The following PRKG1 variants were observed in gnomAD, a reference collection of about 807,000 sequenced individuals.
PRKG1 encodes the protein cGMP-dependent protein kinase 1.
A neutral mutation model predicts 88.1 loss-of-function variants in PRKG1; 35 were observed. The observed-to-expected ratio is 0.40, with a 90% CI of 0.30 to 0.53. The LOEUF (loss-of-function observed/expected upper bound fraction) is 0.53. PRKG1 is among the 20% of genes least tolerant of loss of function. PRKG1 has a pLI of 0.59. For synonymous variants in PRKG1, 303 were observed against 292.5 expected (o/e 1.04, Z -0.37); for missense variants, 540 against 839.8 (o/e 0.64, Z 4.41).
chr10:51,752,645 C>T (rs531341790), intron 3 of PRKG1, among the ~76,000 whole-genome samples: 1 of 152,166 alleles, frequency 6.6e-6, no homozygotes, highest in African/African-American at 2.4e-5. Context: ...TTAACCATAC[C>T]AGGCCTGTTT....
At chr10:52,210,354 G>T (rs757530850) in intron 9 of PRKG1, among the ~76,000 whole-genome samples, 2 of 150,992 alleles carry the variant, frequency 1.3e-5, no homozygotes, top group African/African-American at 4.9e-5. Context: ...CTCCAGGACC[G>T]TCACAGCTGC....
At chr10:51,274,360 A>T (rs73337578) in intron 2 of PRKG1, among the ~76,000 whole-genome samples, 29,527 of 151,950 alleles carry the variant, frequency 0.19, 3,641 homozygotes, top group African/African-American at 0.35. Flanking sequence ...GAAAGTTGCA[A>T]TTTGGCTTTG....
At chr10:52,056,321 C>T (rs750294503) in intron 6 of PRKG1, among the ~76,000 whole-genome samples, 111 of 152,232 alleles carry the variant, frequency 7.3e-4, no homozygotes, top group Non-Finnish European at 1.4e-3. Flanking sequence ...TTTGTCCTGA[C>T]ATTCTAGATT....
chr10:51,264,980 A>G (rs1839802411), intron 2 of PRKG1, among the ~76,000 whole-genome samples: 1 of 152,182 alleles, frequency 6.6e-6, no homozygotes, highest in African/African-American at 2.4e-5. Context: ...GCTGAAAAAT[A>G]AGATAAGCTA....
chr10:51,768,026 A>C (rs9663647), intron 3 of PRKG1, among the ~76,000 whole-genome samples: 5,260 of 149,412 alleles, frequency 0.035, 268 homozygotes, highest in African/African-American at 0.12. Context: ...AAAATAAATA[A>C]ATAAAAAAAC....
At chr10:51,511,312 C>G (rs1039516675) in intron 3 of PRKG1, among the ~76,000 whole-genome samples, 3 of 152,092 alleles carry the variant, frequency 2.0e-5, no homozygotes, top group Admixed American at 2.0e-4. Context: ...TTTTACTGAT[C>G]AAAAACACAA....
chr10:51,512,238 C>T (rs1841435359), intron 3 of PRKG1, among the ~76,000 whole-genome samples: 1 of 143,228 alleles, frequency 7.0e-6, no homozygotes, highest in Admixed American at 7.1e-5. Flanking sequence ...TACATGTGCA[C>T]ATTGTGCAGG....
intron 3 of PRKG1, among the ~76,000 whole-genome samples, chr10:51,680,625 C>T (rs1422310654): frequency 6.6e-6 from 1 of 152,222 alleles, no homozygotes; most frequent in Admixed American, 6.5e-5. Context: ...TTCAAGAAAA[C>T]TTCCATGATG....
chr10:51,009,517 T>C (rs997028643), intron 1 of PRKG1, among the ~76,000 whole-genome samples: 4 of 152,214 alleles, frequency 2.6e-5, no homozygotes, highest in African/African-American at 9.6e-5. Context: ...TATTTCTATT[T>C]TACTATCATA....
At chr10:52,026,428 T>C (rs1845338465) in intron 5 of PRKG1, among the ~76,000 whole-genome samples, 1 of 152,198 alleles carries the variant, frequency 6.6e-6, no homozygotes, top group Admixed American at 6.5e-5. Flanking sequence ...TGAGAAACAT[T>C]ATGCCAAGTG....
chr10:51,728,177 G>A (rs1842180056), intron 3 of PRKG1, among the ~76,000 whole-genome samples: 1 of 151,988 alleles, frequency 6.6e-6, no homozygotes, highest in Non-Finnish European at 1.5e-5. Context: ...AGATCATTCA[G>A]AAATATATTA....
chr10:51,350,542 C>T (rs1389632529), intron 2 of PRKG1, among the ~76,000 whole-genome samples: 1 of 152,146 alleles, frequency 6.6e-6, no homozygotes, highest in East Asian at 1.9e-4. Context: ...CCACTTTCAG[C>T]ATTGTTACTC....
intron 2 of PRKG1, among the ~76,000 whole-genome samples, chr10:51,326,400 A>G (rs1012486473): frequency 1.3e-5 from 2 of 152,224 alleles, no homozygotes; most frequent in African/African-American, 4.8e-5. Context: ...ATGGCTATTT[A>G]AATTGCTCCA....
At chr10:51,529,108 T>C (rs1250568953) in intron 3 of PRKG1, among the ~76,000 whole-genome samples, 1 of 152,108 alleles carries the variant, frequency 6.6e-6, no homozygotes, top group Non-Finnish European at 1.5e-5. Context: ...TCTATCTCAG[T>C]AGATGGCACC....
intron 2 of PRKG1, among the ~76,000 whole-genome samples, chr10:51,429,737 A>G (rs1838702343): frequency 6.6e-6 from 1 of 152,010 alleles, no homozygotes; most frequent in Non-Finnish European, 1.5e-5. Context: ...TGGCAGAGAG[A>G]AGAACATAGA....
Position 50,991,225 on chromosome 10 carries a change from G to T in PRKG1, c.-154G>T. 2 of 1,126,040 alleles carry T rather than the reference G, an allele frequency of 1.8e-6. No individual in the cohort carries two copies. The highest frequency in any genetic ancestry group is 2.4e-6 in the Non-Finnish European group (2 of 825,312). The allele number at this position is 1,126,040 out of a possible 1,614,324, so 69.8% of individuals were successfully genotyped here. ...ATCGAAGCAGGAGGCTCCCCGCGCC[G>T]CATTAGGGGCGCACTCCGCCGCGCT... On this transcript the variant is annotated 5_prime_UTR_variant, in exon 1 of 18. Coordinates refer to the PRKG1 transcript ENST00000401604. The surrounding 1 kb of genome is among the most constrained non-coding windows in gnomAD (Gnocchi z 4.5).
intron 8 of PRKG1, among the ~76,000 whole-genome samples, chr10:52,147,669 A>C (rs982794643): frequency 2.0e-5 from 3 of 152,238 alleles, no homozygotes; most frequent in Admixed American, 6.5e-5. Context: ...ATGCTTCTGA[A>C]GTAAGAATGT....
intron 1 of PRKG1, among the ~76,000 whole-genome samples, chr10:51,091,538 A>G (rs1176279377): frequency 2.0e-5 from 3 of 152,326 alleles, no homozygotes; most frequent in Non-Finnish European, 4.4e-5. Context: ...AATGAAGTTT[A>G]GAATGCTAAG....
intron 1 of PRKG1, among the ~76,000 whole-genome samples, chr10:51,040,825 AT>A (rs1009600877): frequency 3.3e-5 from 5 of 151,988 alleles, no homozygotes; most frequent in African/African-American, 1.2e-4. Flanking sequence ...TCTTTACTGA[AT>A]TTATCAGTCC....
Sources: gnomAD v4.1 joint callset for allele counts (sites outside exome capture counted in the v4.1 genomes callset) on GRCh38, gnomAD v4.1.1 for gene constraint, Gnocchi (gnomAD v3.1) non-coding constraint, MANE v1.5 for transcripts, NCBI Gene and HGNC (gene_info 2026-07-23, HGNC 2026-07-21) for gene names.